Variants in ABCE1 observed in about 807,000 individuals in gnomAD.
ABCE1 encodes the protein ATP-binding cassette sub-family E member 1.
In ABCE1, 22 loss-of-function variants were observed where a neutral mutation model predicts 83.4. The observed-to-expected ratio is 0.26, with a 90% confidence interval of 0.19 to 0.38. ABCE1 has a LOEUF of 0.38. ABCE1 is among the 10% of genes least tolerant of loss of function. ABCE1 has a pLI of 1.00. For synonymous variants in ABCE1, 204 were observed against 233.7 expected (o/e 0.87, Z 1.16); for missense variants, 330 against 721.9 (o/e 0.46, Z 6.22).
At chr4:145,111,968 T>C (rs558510249) in intron 8 of ABCE1, among the ~76,000 whole-genome samples, 1 of 152,318 alleles carries the variant, frequency 6.6e-6, no homozygotes, top group South Asian at 2.1e-4. Context: ...CAGAATACTT[T>C]TTATGAGGAG....
intron 13 of ABCE1, chr4:145,122,370 G>A (rs1390146560): frequency 6.6e-6 from 1 of 152,172 alleles, no homozygotes; most frequent in Non-Finnish European, 1.5e-5. Flanking sequence ...CATGCATTTT[G>A]TGTTCTCTTA....
chr4:145,101,094 G>T (rs1422754403), intron 1 of ABCE1, among the ~76,000 whole-genome samples: 1 of 152,026 alleles, frequency 6.6e-6, no homozygotes, highest in Non-Finnish European at 1.5e-5. Context: ...GGAATATATA[G>T]TATGTCATAT....
intron 9 of ABCE1, among the ~76,000 whole-genome samples, chr4:145,117,029 T>G (rs1299701450): frequency 6.6e-6 from 1 of 151,950 alleles, no homozygotes; most frequent in Non-Finnish European, 1.5e-5. Context: ...TTGTAACACT[T>G]ATTTCGAAAT....
chr4:145,116,718 T>G (rs1472164590), intron 9 of ABCE1, among the ~76,000 whole-genome samples: 1 of 151,970 alleles, frequency 6.6e-6, no homozygotes, highest in African/African-American at 2.4e-5. Flanking sequence ...CATATCCCAT[T>G]CTCATTCATA....
chr4:145,121,492 T>C (rs1749743402), intron 13 of ABCE1, 101 bp downstream of exon 13: 2 of 822,344 alleles, frequency 2.4e-6, no homozygotes, highest in Non-Finnish European at 3.9e-6. Context: ...AATTAGATTC[T>C]ATACAGTTTT....
At chr4:145,104,071 T>C (rs1172035561) in intron 1 of ABCE1, among the ~76,000 whole-genome samples, 1 of 152,148 alleles carries the variant, frequency 6.6e-6, no homozygotes, top group Non-Finnish European at 1.5e-5. Flanking sequence ...TTTGGTGTTG[T>C]TTTAAAGTTT....
Position 145,119,993 on chromosome 4 carries a change from A to G in ABCE1, c.984A>G (p.Ser328=). 2 of 1,612,814 alleles carry G rather than the reference A, an allele frequency of 1.2e-6. No homozygotes were observed. Among genetic ancestry groups the G allele is most frequent in the Admixed American group, 1.7e-5 (1 of 59,912 alleles). ...AAAACTTGAGATTCAGAGATGCATC[A>G]CTTGTTTTTAAAGTGGCTGAGACAG... is the stretch of plus-strand genomic sequence containing the variant. ...PTENLRFRDA[S]LVFKVAETAN... The change falls in exon 11 of 18, where the codon TCA becomes TCG. Residue 328 remains serine (S), a synonymous_variant. Coordinates refer to ENST00000296577, the MANE Select transcript of ABCE1 (RefSeq NM_002940.3).
rs973909173 is a variant in ABCE1 at position 145,110,781 on chromosome 4, A to G, written c.614-187A>G. ...CCGGCCATTTTGTGTATATATTTCA[A>G]TAGGCCCTGAACTTAAGTGATGAAA... is the stretch of plus-strand genomic sequence containing the variant. On this transcript the variant is annotated intron_variant, in intron 7 of 17. Coordinates refer to ENST00000296577, the MANE Select transcript of ABCE1 (RefSeq NM_002940.3). 14 of 556,982 alleles carry G rather than the reference A, an allele frequency of 2.5e-5. 1 individual carries two copies. The highest frequency in any genetic ancestry group is 1.7e-4 in the Admixed American group (5 of 28,986). The allele number at this position is 556,982 out of a possible 1,614,324, so 34.5% of individuals were successfully genotyped here. A position where few individuals can be genotyped will look rare whatever the true frequency, so the allele number is the denominator to read the frequency against.
chr4:145,109,688 C>G (rs1749407861), intron 5 of ABCE1, among the ~76,000 whole-genome samples: 1 of 152,178 alleles, frequency 6.6e-6, no homozygotes. Flanking sequence ...AATGGAGCTT[C>G]ACCAGAGTGT....
intron 8 of ABCE1, 65 bp from the exon 9 acceptor site, chr4:145,112,174 A>C: frequency 8.6e-7 from 1 of 1,157,980 alleles, no homozygotes; most frequent in Non-Finnish European, 1.2e-6. Context: ...GCTTTAAAAT[A>C]GTATGTAAGG....
chr4:145,125,385 T>C (rs1321213845), intron 17 of ABCE1, among the ~76,000 whole-genome samples: 2 of 152,100 alleles, frequency 1.3e-5, no homozygotes, highest in African/African-American at 4.8e-5. Context: ...GGAGAATCAC[T>C]TGAACCTGGA....
At position 145,112,220 on chromosome 4, in the gene ABCE1, T is replaced by TTTTTTTTTTTTTTTTTTG; in HGVS notation, c.711-6_711-5insTTTTGTTTTTTTTTTTTT. On this transcript the variant is annotated intron_variant, in intron 8 of 17. Coordinates refer to ENST00000296577, the MANE Select transcript of ABCE1 (RefSeq NM_002940.3). Reference sequence around the variant, plus strand: ...TGTCTTTCAAACTTATATTTGCTTTTTTTTTTTTTTTTTCATAGTTTCATG... The same window carrying TTTTTTTTTTTTTTTTTTG: ...TGTCTTTCAAACTTATATTTGCTTTTTTTTTTTTTTTTTTTTTGTTTTTTTTTTTTTCATAGTTTCATG... 7.1e-7 allele frequency: 1 copy of TTTTTTTTTTTTTTTTTTG among 1,414,540 alleles called. No individual in the cohort carries two copies. Among genetic ancestry groups the TTTTTTTTTTTTTTTTTTG allele is most frequent in the Non-Finnish European group, 9.4e-7 (1 of 1,063,922 alleles). The allele number at this position is 1,414,540 out of a possible 1,614,324, so 87.6% of individuals were successfully genotyped here.
At chr4:145,105,389 C>T (rs563880601) in intron 2 of ABCE1, among the ~76,000 whole-genome samples, 2 of 152,028 alleles carry the variant, frequency 1.3e-5, no homozygotes, top group Non-Finnish European at 2.9e-5. Context: ...AATCATCTCC[C>T]TGCTGCCAAA....
chr4:145,122,977 T>C, intron 13 of ABCE1, 44 bp from the exon 14 acceptor site: 1 of 1,313,670 alleles, frequency 7.6e-7, no homozygotes, highest in Non-Finnish European at 1.1e-6. Context: ...AAGAGTTCTA[T>C]AGTGAAAGTT....
intron 5 of ABCE1, among the ~76,000 whole-genome samples, chr4:145,109,806 T>A (rs1749413969): frequency 6.6e-6 from 1 of 152,204 alleles, no homozygotes; most frequent in Non-Finnish European, 1.5e-5. Context: ...CTGAAAACAT[T>A]TTCACTTGTT....
intron 9 of ABCE1, among the ~76,000 whole-genome samples, chr4:145,116,010 A>G (rs1358925839): frequency 6.6e-6 from 1 of 151,932 alleles, no homozygotes; most frequent in East Asian, 1.9e-4. Context: ...GGGAAAGCTC[A>G]TTTGCATATT....
intron 3 of ABCE1, 40 bp downstream of exon 3, chr4:145,105,730 A>G (rs776740194): frequency 7.0e-7 from 1 of 1,432,616 alleles, no homozygotes; most frequent in Non-Finnish European, 9.7e-7. Context: ...CGTGTAACCT[A>G]AAACTGAAAT....
rs1194292242 is a variant in ABCE1 at position 145,128,773 on chromosome 4, T to C, written c.*1200T>C. 6.6e-6 allele frequency: 1 copy of C among 152,200 alleles called. No homozygotes were observed. Among genetic ancestry groups the C allele is most frequent in the Non-Finnish European group, 1.5e-5 (1 of 68,022 alleles). The allele number at this position is 152,200 out of a possible 1,614,324, so 9.4% of individuals were successfully genotyped here. On this transcript the variant is annotated 3_prime_UTR_variant, in exon 18 of 18. Transcript: ENST00000296577. ...ATTGAGGAGGAAATTAGAAACTGTT[T>C]GACAAACTTTAAGAGCTACTTGAAA...
At chr4:145,109,072 T>C in intron 4 of ABCE1, 60 bp from the exon 5 acceptor site, 1 of 1,158,836 alleles carries the variant, frequency 8.6e-7, no homozygotes, top group African/African-American at 1.5e-5. Flanking sequence ...CATTCTGATG[T>C]TATGTGGCTT....
Sources: allele counts gnomAD v4.1 joint callset (sites outside exome capture counted in the v4.1 genomes callset), GRCh38; gene constraint gnomAD v4.1.1; transcripts MANE v1.5; gene names NCBI Gene and HGNC (gene_info 2026-07-23, HGNC 2026-07-21).